PPA2: variants seen among roughly 807,000 people sequenced by gnomAD.
The protein encoded by PPA2 is inorganic pyrophosphatase 2, also known as inorganic pyrophosphatase 2, mitochondrial.
In PPA2, 48 loss-of-function variants were observed where a neutral mutation model predicts 49.5. The observed-to-expected ratio is 0.97, with a 90% CI of 0.77 to 1.23. The LOEUF (loss-of-function observed/expected upper bound fraction) is 1.23. Among genes scored for constraint, PPA2 ranks in the 50% most tolerant of loss-of-function variants. PPA2 has a pLI of 0.00. For synonymous variants in PPA2, 131 were observed against 139.9 expected (o/e 0.94, Z 0.45); for missense variants, 429 against 410.1 (o/e 1.05, Z -0.40).
chr4:105,466,773 A>C (rs1333632408), intron 1 of PPA2, among the ~76,000 whole-genome samples: 2 of 152,112 alleles, frequency 1.3e-5, no homozygotes, highest in Non-Finnish European at 2.9e-5. Flanking sequence ...ATCTCCCCTG[A>C]TTCTTCCCTT....
intron 10 of PPA2, among the ~76,000 whole-genome samples, chr4:105,380,208 T>A (rs1733431915): frequency 6.6e-6 from 1 of 152,078 alleles, no homozygotes; most frequent in Admixed American, 6.6e-5. Flanking sequence ...GCCTACTTCT[T>A]CTTCAGTGAG....
At chr4:105,456,882 A>G (rs1722895763) in intron 1 of PPA2, 137 bp from the exon 2 acceptor site, 4 of 587,690 alleles carry the variant, frequency 6.8e-6, no homozygotes, top group Non-Finnish European at 1.1e-5. Flanking sequence ...CCCAACTTAA[A>G]GTTAATTCAA....
intron 2 of PPA2, chr4:105,456,173 C>A: frequency 2.2e-6 from 1 of 446,466 alleles, no homozygotes; most frequent in South Asian, 1.7e-5. Context: ...TTCTCTAACA[C>A]CTGTTTCATA....
intron 1 of PPA2, 138 bp downstream of exon 1, chr4:105,473,756 C>T (rs1723637635): frequency 3.1e-6 from 4 of 1,295,674 alleles, no homozygotes; most frequent in Admixed American, 1.8e-5. Context: ...AGTAAGGTGG[C>T]CTGGACCGCG....
At chr4:105,437,628 C>A (rs1486787281) in intron 6 of PPA2, among the ~76,000 whole-genome samples, 1 of 152,136 alleles carries the variant, frequency 6.6e-6, no homozygotes, top group Admixed American at 6.6e-5. Context: ...TAATAAAAGG[C>A]TTTGTAGACT....
At chr4:105,373,589 C>A (rs1163311715) in intron 10 of PPA2, among the ~76,000 whole-genome samples, 1 of 152,070 alleles carries the variant, frequency 6.6e-6, no homozygotes, top group Non-Finnish European at 1.5e-5. Context: ...TGAGCAGCTT[C>A]TCGTTAACCT....
chr4:105,407,331 C>G (rs1286249259), intron 7 of PPA2, among the ~76,000 whole-genome samples: 1 of 152,130 alleles, frequency 6.6e-6, no homozygotes. Flanking sequence ...TTAAGACAAT[C>G]TGTAACAAAG....
At chr4:105,461,498 G>A (rs777239453) in intron 1 of PPA2, among the ~76,000 whole-genome samples, 1 of 152,168 alleles carries the variant, frequency 6.6e-6, no homozygotes, top group African/African-American at 2.4e-5. Context: ...GGAGTCTTTC[G>A]AAAGGGCTGG....
chr4:105,455,044 T>C (rs961460012), intron 2 of PPA2, among the ~76,000 whole-genome samples: 4 of 152,236 alleles, frequency 2.6e-5, no homozygotes, highest in African/African-American at 9.6e-5. Flanking sequence ...TGTATTTTTA[T>C]AGCACTTAAC....
At chr4:105,462,886 T>C (rs752444259) in intron 1 of PPA2, among the ~76,000 whole-genome samples, 2 of 152,228 alleles carry the variant, frequency 1.3e-5, no homozygotes, top group African/African-American at 2.4e-5. Context: ...TCTGCCATGA[T>C]AGTGAGGCCT....
chr4:105,416,486 A>G (rs1723016571), intron 7 of PPA2, among the ~76,000 whole-genome samples: 1 of 152,222 alleles, frequency 6.6e-6, no homozygotes, highest in Non-Finnish European at 1.5e-5. Context: ...CATTTGCACA[A>G]CACTCTCATC....
chr4:105,403,516 C>T (rs559659130), intron 7 of PPA2, among the ~76,000 whole-genome samples: 227 of 152,200 alleles, frequency 1.5e-3, no homozygotes, highest in African/African-American at 5.3e-3. Context: ...TATAAATAAT[C>T]ATAGTTCTAT....
Position 105,439,161 on chromosome 4 carries a change from A to G in PPA2, c.442-1125T>C, listed in dbSNP as rs531978068. Among the ~76,000 whole-genome samples, 171 of 152,318 alleles carry G rather than the reference A, an allele frequency of 1.1e-3. 1 individual carries two copies. The highest frequency in any genetic ancestry group is 4.0e-3 in the African/African-American group (167 of 41,584). The stretch of plus-strand genomic sequence containing the variant: ...TCTAGCTAATATATACACACACAAC[A>G]TACACATATATACATACATACCACA... On this transcript the variant is annotated intron_variant, in intron 5 of 11. Transcript: ENST00000341695.
chr4:105,450,523 C>G (rs1425913680), intron 3 of PPA2, among the ~76,000 whole-genome samples: 1 of 151,458 alleles, frequency 6.6e-6, no homozygotes, highest in African/African-American at 2.4e-5. Flanking sequence ...ATTACAGGTG[C>G]CCGCCAGCAC....
intron 10 of PPA2, among the ~76,000 whole-genome samples, chr4:105,380,149 A>G (rs977752149): frequency 6.6e-6 from 1 of 152,148 alleles, no homozygotes; most frequent in Non-Finnish European, 1.5e-5. Context: ...AACTGGGCTT[A>G]GAGTCGTGTT....
chr4:105,454,340 G>GTTGTTT (rs1487069684), intron 2 of PPA2, among the ~76,000 whole-genome samples: 41 of 149,114 alleles, frequency 2.7e-4, no homozygotes, highest in Non-Finnish European at 5.5e-4. Context: ...TGTTGTTGTT[G>GTTGTTT]TTTTTGAGAC....
At chr4:105,412,889 T>G (rs917951691) in intron 7 of PPA2, among the ~76,000 whole-genome samples, 2 of 151,918 alleles carry the variant, frequency 1.3e-5, no homozygotes, top group African/African-American at 4.8e-5. Flanking sequence ...TTGGTGGGAG[T>G]GTAAATTAGT....
chr4:105,449,419 A>G lies in PPA2; in HGVS notation c.268-16T>C. On this transcript the variant is annotated splice_polypyrimidine_tract_variant and intron_variant, in intron 3 of 11. Coordinates refer to ENST00000341695, the MANE Select transcript of PPA2 (RefSeq NM_176869.3). The stretch of plus-strand genomic sequence containing the variant: ...TAAACAGATTCTGCAGTTAAAAACA[A>G]AACAAAGAGAGAACATTAAAAATTT... 6.6e-7 allele frequency: 1 copy of G among 1,515,450 alleles called. No homozygotes were observed. 93.9% of individuals were successfully genotyped at this position (1,515,450 alleles called of 1,614,324 possible). A position where few individuals can be genotyped will look rare whatever the true frequency, so the allele number is the denominator to read the frequency against.
At chr4:105,432,629 G>A (rs190866665) in intron 6 of PPA2, among the ~76,000 whole-genome samples, 207 of 152,294 alleles carry the variant, frequency 1.4e-3, no homozygotes, top group Non-Finnish European at 2.3e-3. Flanking sequence ...TCCAACCCAC[G>A]CGGCCTACGG....
Sources: gnomAD v4.1 joint callset for allele counts (sites outside exome capture counted in the v4.1 genomes callset) on GRCh38, gnomAD v4.1.1 for gene constraint, MANE v1.5 for transcripts, NCBI Gene and HGNC (gene_info 2026-07-23, HGNC 2026-07-21) for gene names.